The following SSC4D variants were observed in gnomAD, a reference collection of about 807,000 sequenced individuals.
The protein encoded by SSC4D is scavenger receptor cysteine-rich domain-containing group B protein.
A neutral mutation model predicts 63.4 loss-of-function variants in SSC4D; 57 were observed. The observed-to-expected ratio is 0.90, with a 90% CI of 0.73 to 1.12. SSC4D has a LOEUF of 1.12. Ranked by LOEUF, SSC4D falls within the 50% of genes most tolerant of loss-of-function variation. SSC4D has a pLI of 0.00. For missense variants in SSC4D, 791 were observed against 806.4 expected, an observed-to-expected ratio of 0.98 and a Z score of 0.23; for synonymous variants, 352 against 345.4, an observed-to-expected ratio of 1.02 and a Z score of -0.21.
intron 6 of SSC4D, 22 bp from the exon 7 acceptor site, chr7:76,395,352 C>T (rs1584019569): frequency 8.1e-6 from 13 of 1,612,540 alleles, no homozygotes; most frequent in African/African-American, 6.7e-5. Flanking sequence ...GAGAAGGGGG[C>T]AGGGTCAGAG....
At position 76,404,517 on chromosome 7, in the gene SSC4D, GATCCCAAATGT is replaced by G; in HGVS notation, c.-66-23_-66-13del. The G allele has an allele frequency of 6.8e-6, 11 of 1,607,792 alleles. No individual in the cohort carries two copies. The highest frequency in any genetic ancestry group is 1.7e-5 in the Admixed American group (1 of 59,900). On this transcript the variant is annotated splice_polypyrimidine_tract_variant and intron_variant, in intron 1 of 10. Coordinates refer to ENST00000275560, the MANE Select transcript of SSC4D (RefSeq NM_080744.2). ...CACAGTTGGAACATCTGAAATTAAA[GATCCCAAATGT>G]TGCTGGGCCTCCCAGCACTTTGGGA...
At chr7:76,393,277 T>C (rs1804535033) in intron 9 of SSC4D, 128 bp downstream of exon 9, 4 of 1,019,806 alleles carry the variant, frequency 3.9e-6, no homozygotes, top group Non-Finnish European at 5.0e-6. Flanking sequence ...GCGGCGCCCC[T>C]CTGCGGAGTG....
intron 6 of SSC4D, among the ~76,000 whole-genome samples, chr7:76,397,298 C>G (rs943036129): frequency 3.3e-5 from 5 of 152,202 alleles, no homozygotes; most frequent in African/African-American, 1.2e-4. Context: ...GTTTCATAGC[C>G]ATGGAGTGTA....
intron 9 of SSC4D, among the ~76,000 whole-genome samples, chr7:76,393,028 C>T (rs1330105681): frequency 6.6e-6 from 1 of 152,226 alleles, no homozygotes; most frequent in Non-Finnish European, 1.5e-5. Context: ...TAAGGGTGAT[C>T]CACTCTCTGC....
intron 1 of SSC4D, among the ~76,000 whole-genome samples, chr7:76,405,331 C>CTTTCTTTCTTTCTTTCTTTTTTTT (rs1804980172): frequency 3.8e-5 from 1 of 26,390 alleles, no homozygotes; most frequent in African/African-American, 1.7e-4. Flanking sequence ...TTTTTTCTTT[C>CTTTCTTTCTTTCTTTCTTTTTTTT]TTTCTTTCTT....
In SSC4D at chr7:76,407,266, T is replaced by A. The variant is rs192457049; in HGVS notation, c.-67+2148A>T. 1.2e-3 allele frequency among the ~76,000 whole-genome samples: 176 copies of A among 152,194 alleles called. 7 individuals carry two copies. In the South Asian group the frequency reaches 0.032, roughly 28 times the overall value. ...GTGAGCCACCAGGCTTGGCCCTGATTTAAATTAACTCTAGGCCAAGTGTGG... is the reference window on the plus strand; with the variant it reads ...GTGAGCCACCAGGCTTGGCCCTGATATAAATTAACTCTAGGCCAAGTGTGG... On this transcript the variant is annotated intron_variant, in intron 1 of 10. Transcript: ENST00000275560.
In SSC4D at chr7:76,390,278, G is replaced by A; in HGVS notation, c.1509C>T (p.Asp503=). The part of the protein sequence containing the change: ...RWGTVCDDAW[D]LRAAGVLCRQ... ...GGCACAGGACACCGGCTGCCCGCAG[G>A]TCCCAAGCATCATCACAGACAGTGC... Residue 503 remains aspartate, a synonymous_variant, in exon 11 of 11, where the codon GAC becomes GAT. Transcript: ENST00000275560. 1 of 1,614,004 alleles carries A rather than the reference G, an allele frequency of 6.2e-7. No homozygotes were observed. Among genetic ancestry groups the A allele is most frequent in the Non-Finnish European group, 8.5e-7 (1 of 1,179,962 alleles).
chr7:76,397,856 G>A, intron 5 of SSC4D, 24 bp from the exon 6 acceptor site: 1 of 1,507,180 alleles, frequency 6.6e-7, no homozygotes, highest in Non-Finnish European at 8.9e-7. Context: ...CGGGGGTCAG[G>A]GCGCATCTCC....
intron 7 of SSC4D, among the ~76,000 whole-genome samples, chr7:76,394,748 A>AATATATATATAT (rs35943058): frequency 5.6e-4 from 74 of 131,288 alleles, no homozygotes; most frequent in Middle Eastern, 4.0e-3. Context: ...ATGTATGTAT[A>AATATATATATAT]ATATATATAT....
At chr7:76,402,259 A>G (rs1804857199) in intron 2 of SSC4D, among the ~76,000 whole-genome samples, 1 of 149,220 alleles carries the variant, frequency 6.7e-6, no homozygotes, top group South Asian at 2.1e-4. Context: ...ATCTCACTGC[A>G]GCCTCTGCCT....
At position 76,397,549 on chromosome 7, in the gene SSC4D, G is replaced by T; in HGVS notation, c.837C>A (p.Gly279=). 6.3e-7 allele frequency: 1 copy of T among 1,593,298 alleles called. No individual in the cohort carries two copies. The change falls in exon 6 of 11, where the codon GGC becomes GGA. Residue 279 remains glycine (G), a synonymous_variant. Coordinates refer to ENST00000275560, the MANE Select transcript of SSC4D (RefSeq NM_080744.2). The part of the protein sequence containing the change: ...QSLGWGVHNC[G]HHEDAGALCA... ...AGAGCGCGCCCGCGTCCTCGTGGTG[G>T]CCGCAGTTGTGCACACCCCAGCCCA...
intron 7 of SSC4D, among the ~76,000 whole-genome samples, chr7:76,394,748 A>AATATATATATATATATATATATATATAT (rs35943058): frequency 1.5e-5 from 2 of 131,304 alleles, no homozygotes; most frequent in African/African-American, 5.9e-5. Context: ...ATGTATGTAT[A>AATATATATATATATATATATATATATAT]ATATATATAT....
intron 1 of SSC4D, among the ~76,000 whole-genome samples, chr7:76,408,963 A>G (rs1267794523): frequency 6.6e-6 from 1 of 152,084 alleles, no homozygotes; most frequent in Non-Finnish European, 1.5e-5. Flanking sequence ...CACTGTTCTC[A>G]TCTGTAAAAT....
chr7:76,397,717 G>A lies in SSC4D; in HGVS notation c.669C>T (p.Ala223=), dbSNP rs749136887. Residue 223 remains alanine, a synonymous_variant, in exon 6 of 11, where the codon GCC becomes GCT. Transcript: ENST00000275560. ...VCDDDWGLPD[A]AVVCRQLGCG... ...AGCCCAGCTGACGACAGACCACAGC[G>A]GCATCCGGCAGCCCCCAGTCGTCGT... 8 of 1,613,378 alleles carry A rather than the reference G, an allele frequency of 5.0e-6. No homozygotes were observed. In the South Asian group the frequency reaches 7.7e-5, roughly 16 times the overall value.
In SSC4D at chr7:76,400,401, G is replaced by C; in HGVS notation, c.360C>G (p.Ile120Met). The change falls in exon 4 of 11, where the codon ATC becomes ATG. Residue 120 changes from isoleucine (I) to methionine (M), a missense_variant. Coordinates refer to ENST00000275560, the MANE Select transcript of SSC4D (RefSeq NM_080744.2). ...PLAFGQGRGPILLDNVECRGQ... is the reference protein window; with the variant it reads ...PLAFGQGRGPMLLDNVECRGQ... Reference sequence around the variant, plus strand: ...CGCGGCACTCCACGTTGTCCAGCAGGATGGGGCCTCGGCCTTGGCCAAAGG... The same window carrying C: ...CGCGGCACTCCACGTTGTCCAGCAGCATGGGGCCTCGGCCTTGGCCAAAGG... The C allele has an allele frequency of 1.9e-6, 3 of 1,601,804 alleles. No homozygotes were observed. Among genetic ancestry groups the C allele is most frequent in the Non-Finnish European group, 1.7e-6 (2 of 1,171,698 alleles).
Position 76,397,784 on chromosome 7 carries a change from C to G in SSC4D, c.602G>C (p.Arg201Pro). Residue 201 changes from arginine to proline, a missense_variant, in exon 6 of 11, where the codon CGA becomes CCA. By Grantham distance (103) the Arg-to-Pro change is moderately radical (BLOSUM62 -2). Coordinates refer to ENST00000275560, the MANE Select transcript of SSC4D (RefSeq NM_080744.2). ...LVGGANLCQGRVEILHSGLWG... is the reference protein window; with the variant it reads ...LVGGANLCQGPVEILHSGLWG... The stretch of plus-strand genomic sequence containing the variant: ...CAGGCCACTGTGCAGGATCTCCACT[C>G]GGCCCTGACACAGGTTCGCGCCCCC... 1 of 1,609,922 alleles carries G rather than the reference C, an allele frequency of 6.2e-7. No homozygotes were observed. The highest frequency in any genetic ancestry group is 8.5e-7 in the Non-Finnish European group (1 of 1,177,740).
At chr7:76,396,280 G>A (rs999609503) in intron 6 of SSC4D, among the ~76,000 whole-genome samples, 3 of 152,188 alleles carry the variant, frequency 2.0e-5, no homozygotes, top group African/African-American at 7.2e-5. Flanking sequence ...ACGCCCACTC[G>A]TATGCCATGT....
At chr7:76,399,098 G>A (rs1306131948) in intron 4 of SSC4D, among the ~76,000 whole-genome samples, 2 of 151,898 alleles carry the variant, frequency 1.3e-5, no homozygotes, top group East Asian at 1.9e-4. Flanking sequence ...TGCAACCTCC[G>A]CCTCCCTGGT....
At position 76,403,959 on chromosome 7, in the gene SSC4D, G is replaced by C. The variant is rs144003120; in HGVS notation, c.133+348C>G. Among the ~76,000 whole-genome samples the C allele has an allele frequency of 5.3e-3, 804 of 152,148 alleles. 3 individuals are homozygous for C. Among genetic ancestry groups the C allele is most frequent in the Middle Eastern group, 0.01 (3 of 294 alleles). On this transcript the variant is annotated intron_variant, in intron 2 of 10. Transcript: ENST00000275560. ...ATTGCAGGTGTGAGTCACCGAGCCC[G>C]GCCTTCTTCTTATGTTTGGATAGTC...
Sources: allele counts gnomAD v4.1 joint callset (sites outside exome capture counted in the v4.1 genomes callset), GRCh38; gene constraint gnomAD v4.1.1; transcripts MANE v1.5; gene names NCBI Gene and HGNC (gene_info 2026-07-23, HGNC 2026-07-21).